The following HAUS6 variants were observed in gnomAD, a reference collection of about 807,000 sequenced individuals.
The protein encoded by HAUS6 is HAUS augmin like complex subunit 6.
Under a neutral mutation model 106.8 loss-of-function variants are expected in HAUS6, and 80 were observed. The observed-to-expected ratio is 0.75, with a 90% CI of 0.63 to 0.90. The LOEUF (loss-of-function observed/expected upper bound fraction) is 0.90, where lower values mean the gene tolerates loss of function less well. Ranked by LOEUF, HAUS6 falls within the 40% of genes least tolerant of loss-of-function variation. The pLI is 0.00. For synonymous variants in HAUS6, 356 were observed against 379.1 expected, an observed-to-expected ratio of 0.94 and a Z score of 0.71; for missense variants, 1,155 against 1,118.1, an observed-to-expected ratio of 1.03 and a Z score of -0.47.
chr9:19,059,814 C>T (rs1277030738), intron 15 of HAUS6, among the ~76,000 whole-genome samples: 2 of 151,652 alleles, frequency 1.3e-5, no homozygotes, highest in Admixed American at 6.6e-5. Flanking sequence ...TTTTTAAATG[C>T]TCAAATAAGA....
At chr9:19,088,172 T>G (rs916742997) in intron 5 of HAUS6, among the ~76,000 whole-genome samples, 2 of 152,188 alleles carry the variant, frequency 1.3e-5, no homozygotes, top group South Asian at 4.1e-4. Flanking sequence ...CCCAGCACTT[T>G]GGGAGGCTGA....
chr9:19,079,315 T>C (rs533357175), intron 9 of HAUS6, among the ~76,000 whole-genome samples: 1 of 150,492 alleles, frequency 6.6e-6, no homozygotes, highest in Non-Finnish European at 1.5e-5. Flanking sequence ...CACTGCAACC[T>C]CTGCCTCCCA....
intron 12 of HAUS6, among the ~76,000 whole-genome samples, chr9:19,069,817 C>G (rs1300238064): frequency 6.6e-6 from 1 of 152,068 alleles, no homozygotes; most frequent in Non-Finnish European, 1.5e-5. Flanking sequence ...AAATTTGGGT[C>G]AGGCACAGGA....
chr9:19,096,304 C>T (rs1016887789), intron 2 of HAUS6, among the ~76,000 whole-genome samples: 2 of 152,112 alleles, frequency 1.3e-5, no homozygotes, highest in African/African-American at 2.4e-5. Flanking sequence ...GTGGCTCACG[C>T]CTGTAATCAC....
intron 16 of HAUS6, 164 bp from the exon 17 acceptor site, chr9:19,056,568 C>G: frequency 1.8e-6 from 1 of 563,948 alleles, no homozygotes; most frequent in Non-Finnish European, 3.2e-6. Flanking sequence ...CCCTCTTTCT[C>G]CAGAGATCAA....
At chr9:19,089,272 AG>A in intron 5 of HAUS6, 139 bp downstream of exon 5, 1 of 603,436 alleles carries the variant, frequency 1.7e-6, no homozygotes. Context: ...AAAAAAAAGA[AG>A]AAGAAGTTAT....
At chr9:19,082,725 T>TGGGC in intron 8 of HAUS6, 148 bp downstream of exon 8, 1 of 470,728 alleles carries the variant, frequency 2.1e-6, no homozygotes, top group Non-Finnish European at 3.7e-6. Flanking sequence ...CACTCCAGCC[T>TGGGC]GGGCAATAAG....
chr9:19,077,577 T>A (rs1418597648), intron 10 of HAUS6, among the ~76,000 whole-genome samples: 2 of 152,046 alleles, frequency 1.3e-5, no homozygotes, highest in Non-Finnish European at 2.9e-5. Context: ...ATACAATCCT[T>A]CGAATCTAAA....
In HAUS6 at chr9:19,102,515, C is replaced by A; in HGVS notation, c.128+9G>T. On this transcript the variant is annotated intron_variant, in intron 1 of 16. Transcript: ENST00000380502. ...GGCTCCCTCGCCCCGCCGGCCCCGG[C>A]CTCCTTACACTCCGAGGTGCGTGTG... The A allele has an allele frequency of 6.2e-7, 1 of 1,612,340 alleles. No homozygotes were observed. Among genetic ancestry groups the A allele is most frequent in the South Asian group, 1.1e-5 (1 of 90,922 alleles).
rs566668063 is a variant in HAUS6, at chr9:19,088,409, C to G, written c.584+1003G>C. On this transcript the variant is annotated intron_variant, in intron 5 of 16. Transcript: ENST00000380502. Reference sequence around the variant, plus strand: ...CCAGCCAGGGCAACAGAGTGAGACTCCGTCTCAAAAAAAAAAAAAAATAGT... The same window carrying G: ...CCAGCCAGGGCAACAGAGTGAGACTGCGTCTCAAAAAAAAAAAAAAATAGT... 2.8e-3 allele frequency among the ~76,000 whole-genome samples: 400 copies of G among 144,320 alleles called. 2 individuals carry two copies. The highest frequency in any genetic ancestry group is 9.8e-3 in the African/African-American group (386 of 39,240). The allele number at this position is 144,320 out of a possible 152,430, so 94.7% of individuals were successfully genotyped here. A position where few individuals can be genotyped will look rare whatever the true frequency, so the allele number is the denominator to read the frequency against.
At position 19,076,655 on chromosome 9, in the gene HAUS6, G is replaced by C; in HGVS notation, c.1241C>G (p.Ser414Ter). The C allele has an allele frequency of 6.3e-7, 1 of 1,595,300 alleles. No individual in the cohort carries two copies. Among genetic ancestry groups the C allele is most frequent in the Non-Finnish European group, 8.6e-7 (1 of 1,163,742 alleles). ...AATACTCTTTGCATACACTTCTTCT[G>C]AGGCAGGATCAAACGAAAGGGGAGA... ...PMSPLSFDPA[S>*]EEVYAKSILC... Residue 414 changes from serine (S) to a stop codon, truncating the protein, a stop_gained, in exon 11 of 17, where the codon TCA becomes TGA. Coordinates refer to ENST00000380502, the MANE Select transcript of HAUS6 (RefSeq NM_017645.5). LOFTEE classifies it high-confidence loss of function.
At chr9:19,091,360 G>A (rs569299249) in intron 4 of HAUS6, among the ~76,000 whole-genome samples, 24 of 151,422 alleles carry the variant, frequency 1.6e-4, no homozygotes, top group Non-Finnish European at 2.4e-4. Context: ...TGAGTGTACC[G>A]AATTTAGAAG....
intron 9 of HAUS6, among the ~76,000 whole-genome samples, chr9:19,078,806 A>T (rs1837070414): frequency 6.7e-6 from 1 of 149,786 alleles, no homozygotes; most frequent in African/African-American, 2.5e-5. Flanking sequence ...TCAAAAATAA[A>T]AAATAAATAA....
chr9:19,083,376 G>C (rs1479504581), intron 7 of HAUS6, among the ~76,000 whole-genome samples: 1 of 151,942 alleles, frequency 6.6e-6, no homozygotes, highest in Non-Finnish European at 1.5e-5. Context: ...CCAAGTAGCT[G>C]GGACTACAGG....
chr9:19,068,006 A>G (rs1428214803), intron 12 of HAUS6, among the ~76,000 whole-genome samples: 1 of 151,642 alleles, frequency 6.6e-6, no homozygotes, highest in African/African-American at 2.4e-5. Flanking sequence ...CCAAAAAAAA[A>G]AGTTATCTTG....
At chr9:19,077,417 C>T (rs1260034585) in intron 10 of HAUS6, among the ~76,000 whole-genome samples, 1 of 152,130 alleles carries the variant, frequency 6.6e-6, no homozygotes, top group Admixed American at 6.6e-5. Flanking sequence ...CACCTTTAGT[C>T]CCGGCTACTT....
At chr9:19,090,339 G>C (rs979417063) in intron 4 of HAUS6, among the ~76,000 whole-genome samples, 1 of 152,100 alleles carries the variant, frequency 6.6e-6, no homozygotes, top group African/African-American at 2.4e-5. Context: ...ATTATAATAA[G>C]AGCTACTTTG....
rs140508604 is a variant in HAUS6 at position 19,058,389 on chromosome 9, C to T, written c.2378G>A (p.Ser793Asn). ...EVGHLSFNSS[S>N]SSEANFKLEP... is the part of the protein sequence containing the mutation. ...CAGTTTAAAATTGGCCTCTGAACTACTGGAACTATTAAAACTTAGATGACC... is the reference window on the plus strand; with the variant it reads ...CAGTTTAAAATTGGCCTCTGAACTATTGGAACTATTAAAACTTAGATGACC... The change falls in exon 16 of 17, where the codon AGT (serine) becomes AAT (asparagine). Residue 793 changes from serine (S) to asparagine (N), a missense_variant. Coordinates refer to ENST00000380502, the MANE Select transcript of HAUS6 (RefSeq NM_017645.5). 2.5e-6 allele frequency: 4 copies of T among 1,613,898 alleles called. No individual in the cohort carries two copies. The highest frequency in any genetic ancestry group is 3.4e-6 in the Non-Finnish European group (4 of 1,179,846).
At chr9:19,089,688 A>T (rs1817704687) in intron 4 of HAUS6, 129 bp from the exon 5 acceptor site, 2 of 581,056 alleles carry the variant, frequency 3.4e-6, no homozygotes, top group Non-Finnish European at 5.7e-6. Context: ...ATTGACTTTT[A>T]AAAAAAGGAA....
Sources: allele counts gnomAD v4.1 joint callset (sites outside exome capture counted in the v4.1 genomes callset), GRCh38; gene constraint gnomAD v4.1.1; transcripts MANE v1.5; gene names NCBI Gene and HGNC (gene_info 2026-07-23, HGNC 2026-07-21).